PALM2AKAP2: variants seen among roughly 807,000 people sequenced by gnomAD.
PALM2AKAP2 encodes PALM2-AKAP2 fusion protein.
PALM2AKAP2 carries 37 observed loss-of-function variants against 71.5 expected under a neutral mutation model. The ratio of observed to expected loss-of-function variants is 0.52; its 90% CI spans 0.40 to 0.68. The LOEUF (loss-of-function observed/expected upper bound fraction) is 0.68, where lower values mean the gene tolerates loss of function less well. PALM2AKAP2 is among the 30% of genes least tolerant of loss of function. PALM2AKAP2 has a pLI of 0.00. For missense variants in PALM2AKAP2, 1,224 were observed against 1,191.8 expected, an observed-to-expected ratio of 1.03 and a Z score of -0.40; for synonymous variants, 468 against 478.8, an observed-to-expected ratio of 0.98 and a Z score of 0.29.
intron 6 of PALM2AKAP2, among the ~76,000 whole-genome samples, chr9:110,006,406 C>T (rs554425661): frequency 3.4e-5 from 5 of 146,274 alleles, no homozygotes; most frequent in Admixed American, 1.4e-4. Flanking sequence ...CTCTGTCATG[C>T]AGTGTTGCAA....
At chr9:109,928,359 A>G (rs1311669208) in intron 5 of PALM2AKAP2, among the ~76,000 whole-genome samples, 1 of 152,206 alleles carries the variant, frequency 6.6e-6, no homozygotes, top group Non-Finnish European at 1.5e-5. Context: ...TTTCAGCGGG[A>G]TTAGAACTAA....
chr9:109,886,280 C>T (rs1241595675), intron 3 of PALM2AKAP2, among the ~76,000 whole-genome samples: 3 of 152,066 alleles, frequency 2.0e-5, no homozygotes, highest in African/African-American at 7.2e-5. Context: ...ATGTGGACCT[C>T]GGGTTGATAC....
exon 2 of PALM2AKAP2, chr9:110,137,748 G>A: frequency 6.2e-7 from 1 of 1,614,122 alleles, no homozygotes; most frequent in Non-Finnish European, 8.5e-7. Context: ...AGTGACAGCG[G>A]GGCATCCAAT....
chr9:109,819,082 G>T (rs544998455), intron 1 of PALM2AKAP2, among the ~76,000 whole-genome samples: 99 of 152,312 alleles, frequency 6.5e-4, no homozygotes, highest in African/African-American at 2.2e-3. Flanking sequence ...GCGAACAGAT[G>T]AATTAGTAAT....
At chr9:110,027,841 T>C (rs187811352) in intron 7 of PALM2AKAP2, among the ~76,000 whole-genome samples, 1 of 152,332 alleles carries the variant, frequency 6.6e-6, no homozygotes, top group African/African-American at 2.4e-5. Context: ...GGCCTTTTGT[T>C]GCCAGTGGTG....
intron 5 of PALM2AKAP2, among the ~76,000 whole-genome samples, chr9:109,930,346 C>T (rs1326435101): frequency 1.3e-5 from 2 of 152,088 alleles, no homozygotes; most frequent in African/African-American, 4.8e-5. Flanking sequence ...CTGCCTCAGC[C>T]CCTCTAGTAG....
chr9:110,016,593 A>C (rs1348714362), intron 7 of PALM2AKAP2, among the ~76,000 whole-genome samples: 2 of 152,200 alleles, frequency 1.3e-5, no homozygotes, highest in East Asian at 3.8e-4. Context: ...CCACTTAACT[A>C]TCACTGTTCA....
In PALM2AKAP2 at chr9:109,726,360, C is replaced by T. The variant is rs1828476915; in HGVS notation, c.6-54128C>T. ...GCAATTGCAGGGCTCCCGGTGGAGGCAACCAGTGCCCAGCATCTGCCGGGT... is the reference window on the plus strand; with the variant it reads ...GCAATTGCAGGGCTCCCGGTGGAGGTAACCAGTGCCCAGCATCTGCCGGGT... On this transcript the variant is annotated intron_variant, in intron 1 of 6. Coordinates refer to the PALM2AKAP2 transcript ENST00000374531. Among the ~76,000 whole-genome samples the T allele has an allele frequency of 2.0e-5, 3 of 152,172 alleles. No homozygotes were observed. The South Asian group carries it at 6.2e-4, about 32-fold the overall frequency.
In PALM2AKAP2 at chr9:109,870,856, T is replaced by C. The variant is rs117906128; in HGVS notation, c.126+3285T>C. ...CAGTGATTATTGAAGTTCCTTGAAG[T>C]AGAGAATATTAGGAAATATGTCAGT... On this transcript the variant is annotated intron_variant, in intron 2 of 9. Coordinates refer to the PALM2AKAP2 transcript ENST00000302798. Among the ~76,000 whole-genome samples the C allele has an allele frequency of 3.4e-4, 52 of 152,344 alleles. No homozygotes were observed. In the East Asian group the frequency reaches 9.0e-3, roughly 27 times the overall value.
At chr9:109,833,953 C>T (rs910236611) in intron 1 of PALM2AKAP2, among the ~76,000 whole-genome samples, 1 of 152,220 alleles carries the variant, frequency 6.6e-6, no homozygotes, top group African/African-American at 2.4e-5. Flanking sequence ...TGGCTCACGC[C>T]TATAAACCCA....
chr9:110,137,798 T>G, exon 2 of PALM2AKAP2: 3 of 1,614,004 alleles, frequency 1.9e-6, no homozygotes, highest in South Asian at 2.2e-5. Context: ...ACTGGCTGAT[T>G]TTTCTCTGCC....
At chr9:109,864,819 C>CA (rs1829406081) in intron 1 of PALM2AKAP2, among the ~76,000 whole-genome samples, 1 of 152,160 alleles carries the variant, frequency 6.6e-6, no homozygotes, top group Non-Finnish European at 1.5e-5. Context: ...ATTAATGTTC[C>CA]TAAAATGCCA....
chr9:109,764,789 T>A (rs1335771976), intron 1 of PALM2AKAP2, among the ~76,000 whole-genome samples: 1 of 149,484 alleles, frequency 6.7e-6, no homozygotes, highest in Non-Finnish European at 1.5e-5. Context: ...CATGGGTAGA[T>A]GAATGAACGG....
chr9:109,848,058 G>T (rs1828912278), intron 1 of PALM2AKAP2, among the ~76,000 whole-genome samples: 1 of 152,216 alleles, frequency 6.6e-6, no homozygotes, highest in African/African-American at 2.4e-5. Context: ...AGTTGAGTTT[G>T]TAAATGCATC....
intron 1 of PALM2AKAP2, among the ~76,000 whole-genome samples, chr9:110,057,432 G>C (rs1008306185): frequency 3.4e-5 from 5 of 147,328 alleles, no homozygotes; most frequent in African/African-American, 1.0e-4. Flanking sequence ...ATGCTGGAGT[G>C]CAGTGGCGCC....
At chr9:109,917,461 T>A (rs1418540725) in intron 3 of PALM2AKAP2, among the ~76,000 whole-genome samples, 2 of 150,840 alleles carry the variant, frequency 1.3e-5, no homozygotes, top group African/African-American at 4.9e-5. Context: ...AAGGCAAATG[T>A]CACTTAAGCC....
rs1432056420 is a variant in PALM2AKAP2, at chr9:110,165,638, A to G, written c.2749-2761A>G. ...TAAGAAAAGAGAGCTCATTGTTGGT[A>G]TAAGTGAATTACTGGGGCTCTTGAC... On this transcript the variant is annotated intron_variant, in intron 3 of 3. Coordinates refer to ENST00000374525, the Ensembl canonical transcript of PALM2AKAP2. 9.9e-5 allele frequency among the ~76,000 whole-genome samples: 15 copies of G among 152,230 alleles called. No individual in the cohort carries two copies. The East Asian group carries it at 2.9e-3, about 29-fold the overall frequency.
exon 1 of PALM2AKAP2, chr9:110,048,778 G>C (rs746558533): frequency 6.5e-7 from 1 of 1,535,758 alleles, no homozygotes; most frequent in South Asian, 1.2e-5. Flanking sequence ...TGGACCCCCG[G>C]AGCGGGAGGC....
intron 2 of PALM2AKAP2, among the ~76,000 whole-genome samples, chr9:110,155,654 G>T (rs1441552656): frequency 6.6e-6 from 1 of 152,172 alleles, no homozygotes; most frequent in African/African-American, 2.4e-5. Flanking sequence ...TAAGGTCTGG[G>T]AGGCCTCAAA....
Sources: gnomAD v4.1 joint callset for allele counts (sites outside exome capture counted in the v4.1 genomes callset) on GRCh38, gnomAD v4.1.1 for gene constraint, MANE v1.5 for transcripts, NCBI Gene and HGNC (gene_info 2026-07-23, HGNC 2026-07-21) for gene names.